CPA6: variants seen among roughly 807,000 people sequenced by gnomAD.
CPA6 encodes the protein carboxypeptidase A6, also known as carboxypeptidase B.
CPA6 carries 58 observed loss-of-function variants against 63.3 expected under a neutral mutation model. The observed-to-expected ratio is 0.92, with a 90% CI of 0.74 to 1.14. The LOEUF (loss-of-function observed/expected upper bound fraction) is 1.14, where lower values mean the gene tolerates loss of function less well. Among genes scored for constraint, CPA6 ranks in the 50% most tolerant of loss-of-function variants. CPA6 has a pLI of 0.00. For missense variants in CPA6, 565 were observed against 526.6 expected, an observed-to-expected ratio of 1.07 and a Z score of -0.71; for synonymous variants, 185 against 179.0, an observed-to-expected ratio of 1.03 and a Z score of -0.27.
chr8:67,489,614 T>A (rs1811562064), intron 6 of CPA6, among the ~76,000 whole-genome samples: 1 of 152,204 alleles, frequency 6.6e-6, no homozygotes, highest in South Asian at 2.1e-4. Flanking sequence ...GACTAGAATA[T>A]AATCAATTGT....
chr8:67,481,794 T>G (rs1811365956), intron 8 of CPA6, among the ~76,000 whole-genome samples: 1 of 152,102 alleles, frequency 6.6e-6, no homozygotes, highest in Admixed American at 6.5e-5. Flanking sequence ...ATGCAGCACA[T>G]AACTGCGGGG....
At chr8:67,607,243 CT>C (rs1564021484) in intron 2 of CPA6, among the ~76,000 whole-genome samples, 114 of 115,580 alleles carry the variant, frequency 9.9e-4, no homozygotes, top group East Asian at 1.8e-3. Context: ...TCTTCTTCTT[CT>C]TCTTCTTCTC....
intron 1 of CPA6, among the ~76,000 whole-genome samples, chr8:67,668,154 T>A (rs1408220126): frequency 1.3e-5 from 2 of 152,258 alleles, no homozygotes; most frequent in Non-Finnish European, 1.5e-5. Flanking sequence ...CTCAACATGC[T>A]TTGCCTCCAA....
intron 2 of CPA6, among the ~76,000 whole-genome samples, chr8:67,568,846 G>A (rs1358883210): frequency 1.3e-5 from 2 of 152,196 alleles, no homozygotes; most frequent in Non-Finnish European, 2.9e-5. Flanking sequence ...CGCCTCCCGG[G>A]TTCAGGTGAT....
chr8:67,678,227 TCACACACACACA>T lies in CPA6; in HGVS notation c.117-53988_117-53977del, dbSNP rs1229557199. Among the ~76,000 whole-genome samples, 7 of 127,664 alleles carry T rather than the reference TCACACACACACA, an allele frequency of 5.5e-5. No homozygotes were observed. In the East Asian group the frequency reaches 1.3e-3, roughly 24 times the overall value. The allele number at this position is 127,664 out of a possible 152,430, so 83.8% of individuals were successfully genotyped here. Reference sequence around the variant, plus strand: ...TGGGAGATAATTGTAAAACTCTGTCTCACACACACACACACACACACACACACACACACACAA... The same window carrying T: ...TGGGAGATAATTGTAAAACTCTGTCTCACACACACACACACACACACACAA... On this transcript the variant is annotated intron_variant, in intron 1 of 10. Transcript: ENST00000297770.
chr8:67,487,845 A>G (rs111495939), intron 6 of CPA6, among the ~76,000 whole-genome samples: 7 of 152,342 alleles, frequency 4.6e-5, no homozygotes, highest in African/African-American at 1.7e-4. Context: ...TTTTGGATGC[A>G]TAAATGTCTT....
intron 1 of CPA6, among the ~76,000 whole-genome samples, chr8:67,687,861 G>C (rs1188403299): frequency 6.6e-6 from 1 of 152,122 alleles, no homozygotes; most frequent in East Asian, 1.9e-4. Context: ...GTAAACTAAA[G>C]CACGATTCAA....
At chr8:67,574,026 T>C (rs1318731929) in intron 2 of CPA6, among the ~76,000 whole-genome samples, 2 of 151,750 alleles carry the variant, frequency 1.3e-5, no homozygotes, top group Non-Finnish European at 2.9e-5. Context: ...CCCAAAGTGA[T>C]CTACAGATTT....
intron 1 of CPA6, among the ~76,000 whole-genome samples, chr8:67,682,022 C>T (rs1321397365): frequency 1.3e-5 from 2 of 151,964 alleles, no homozygotes; most frequent in African/African-American, 4.8e-5. Context: ...TACTTTGTTT[C>T]TCTGTACATA....
At chr8:67,696,364 C>A (rs1024655438) in intron 1 of CPA6, among the ~76,000 whole-genome samples, 3 of 152,112 alleles carry the variant, frequency 2.0e-5, no homozygotes, top group African/African-American at 7.2e-5. Context: ...AGTACATGCA[C>A]TAGAATAGCA....
intron 1 of CPA6, among the ~76,000 whole-genome samples, chr8:67,701,085 G>A (rs1817014661): frequency 6.6e-6 from 1 of 152,112 alleles, no homozygotes. Context: ...CTATCTCAGA[G>A]AAAACATGGT....
intron 8 of CPA6, among the ~76,000 whole-genome samples, chr8:67,474,554 GA>G (rs1433275041): frequency 1.3e-5 from 2 of 152,120 alleles, no homozygotes; most frequent in African/African-American, 4.8e-5. Context: ...AGCAGTACAG[GA>G]AGGCACTTAG....
At chr8:67,654,529 G>T (rs976733079) in intron 1 of CPA6, among the ~76,000 whole-genome samples, 2 of 152,096 alleles carry the variant, frequency 1.3e-5, no homozygotes, top group African/African-American at 2.4e-5. Context: ...GTTTATTTGC[G>T]TAGAGGTGTT....
chr8:67,715,951 C>T (rs1311008178), intron 1 of CPA6, among the ~76,000 whole-genome samples: 4 of 151,898 alleles, frequency 2.6e-5, no homozygotes, highest in African/African-American at 7.3e-5. Flanking sequence ...GTCAGGAGTT[C>T]GAGATCAGCC....
At chr8:67,472,340 A>C (rs977069524) in intron 8 of CPA6, among the ~76,000 whole-genome samples, 1 of 150,810 alleles carries the variant, frequency 6.6e-6, no homozygotes, top group African/African-American at 2.5e-5. Flanking sequence ...TTACTCATTG[A>C]CTTTGAAAAC....
chr8:67,437,374 G>A lies in CPA6; in HGVS notation c.839-3134C>T, dbSNP rs563743135. Among the ~76,000 whole-genome samples the A allele has an allele frequency of 9.0e-4, 137 of 152,208 alleles. 2 individuals are homozygous for A. Among genetic ancestry groups the A allele is most frequent in the South Asian group, 1.2e-3 (6 of 4,818 alleles). ...TGCGCCACCGCACTCCAGCCTGGGC[G>A]ACAGAGCGAGACTCTGTCTCAAAAC... On this transcript the variant is annotated intron_variant, in intron 8 of 10. Transcript: ENST00000297770.
intron 2 of CPA6, among the ~76,000 whole-genome samples, chr8:67,590,262 G>T (rs1476614212): frequency 6.6e-6 from 1 of 150,842 alleles, no homozygotes; most frequent in Non-Finnish European, 1.5e-5. Flanking sequence ...GTGTATATGT[G>T]CCACATTTTC....
intron 2 of CPA6, among the ~76,000 whole-genome samples, chr8:67,590,571 T>C (rs1814091598): frequency 6.6e-6 from 1 of 152,188 alleles, no homozygotes; most frequent in African/African-American, 2.4e-5. Context: ...GACTTTTTAA[T>C]GATTGCCATT....
chr8:67,508,616 G>A (rs1811980797), intron 5 of CPA6, among the ~76,000 whole-genome samples: 2 of 152,294 alleles, frequency 1.3e-5, no homozygotes, highest in Admixed American at 6.5e-5. Context: ...GATGGTCAGA[G>A]AGACAGGAGG....
Sources: allele counts gnomAD v4.1 joint callset (sites outside exome capture counted in the v4.1 genomes callset), GRCh38; gene constraint gnomAD v4.1.1; transcripts MANE v1.5; gene names NCBI Gene and HGNC (gene_info 2026-07-23, HGNC 2026-07-21).